The following TMEM132D variants were observed in gnomAD, a reference collection of about 807,000 sequenced individuals.
TMEM132D encodes transmembrane protein 132D.
Under a neutral mutation model 62.3 loss-of-function variants are expected in TMEM132D, and 21 were observed. The observed-to-expected ratio is 0.34, with a 90% confidence interval of 0.24 to 0.49. The LOEUF (loss-of-function observed/expected upper bound fraction) is 0.49, where lower values mean the gene tolerates loss of function less well. Among genes scored for constraint, TMEM132D ranks in the 20% least tolerant of loss-of-function variants. The pLI is 0.99. For missense variants in TMEM132D, 1,346 were observed against 1,402.8 expected (o/e 0.96, Z 0.65); for synonymous variants, 621 against 575.6 (o/e 1.08, Z -1.13).
chr12:129,089,507 A>C lies in TMEM132D; in HGVS notation c.1444-4805T>G, dbSNP rs192367862. Among the ~76,000 whole-genome samples, 12 of 78,748 alleles carry C rather than the reference A, an allele frequency of 1.5e-4. 1 individual carries two copies. Among genetic ancestry groups the C allele is most frequent in the South Asian group, 4.7e-4 (1 of 2,114 alleles). The allele number at this position is 78,748 out of a possible 152,430, so 51.7% of individuals were successfully genotyped here. The stretch of plus-strand genomic sequence containing the variant: ...TGTCCTCCATGACCGGGTGTCCTCT[A>C]TGACCGGGTGTCCTCCATGACCGGG... On this transcript the variant is annotated intron_variant, in intron 5 of 8. Coordinates refer to ENST00000422113, the MANE Select transcript of TMEM132D (RefSeq NM_133448.3).
At position 129,332,426 on chromosome 12, in the gene TMEM132D, C is replaced by T. The variant is rs146241727; in HGVS notation, c.1299+5208G>A. On this transcript the variant is annotated intron_variant, in intron 4 of 8. Coordinates refer to ENST00000422113, the MANE Select transcript of TMEM132D (RefSeq NM_133448.3). ...AGTAGCTTTCGATGCAAGCACCTGGCGGCATCTCATCCCAGAGCTTTCCTG... is the reference window on the plus strand; with the variant it reads ...AGTAGCTTTCGATGCAAGCACCTGGTGGCATCTCATCCCAGAGCTTTCCTG... Among the ~76,000 whole-genome samples, 777 of 152,174 alleles carry T rather than the reference C, an allele frequency of 5.1e-3. 7 individuals carry two copies. The highest frequency in any genetic ancestry group is 0.018 in the African/African-American group (736 of 41,516).
chr12:129,627,052 G>A (rs997414977), intron 2 of TMEM132D, among the ~76,000 whole-genome samples: 8 of 152,198 alleles, frequency 5.3e-5, no homozygotes, highest in Non-Finnish European at 1.5e-5. Context: ...ATTGTGACTA[G>A]TGTGACAGGA....
At chr12:129,800,748 C>T (rs1046625892) in intron 1 of TMEM132D, among the ~76,000 whole-genome samples, 69 of 152,144 alleles carry the variant, frequency 4.5e-4, no homozygotes, top group Non-Finnish European at 1.2e-4. Context: ...CGGTCTACAG[C>T]TCCCAGCGAG....
At chr12:129,662,148 T>C (rs1263962374) in intron 2 of TMEM132D, among the ~76,000 whole-genome samples, 1 of 152,226 alleles carries the variant, frequency 6.6e-6, no homozygotes, top group Non-Finnish European at 1.5e-5. Context: ...GAGCTTTCTT[T>C]TTTCTTTGCA....
chr12:129,102,484 G>GAA (rs1875343328), intron 5 of TMEM132D, among the ~76,000 whole-genome samples: 1 of 149,176 alleles, frequency 6.7e-6, no homozygotes, highest in African/African-American at 2.5e-5. Flanking sequence ...CTCACACAAT[G>GAA]CACACACACA....
intron 2 of TMEM132D, among the ~76,000 whole-genome samples, chr12:129,604,159 C>T (rs993536981): frequency 4.6e-5 from 7 of 151,902 alleles, no homozygotes; most frequent in Non-Finnish European, 1.0e-4. Context: ...CACACCAGGG[C>T]CCGTCGAGGG....
In TMEM132D at chr12:129,424,569, G is replaced by A. The variant is rs142069248; in HGVS notation, c.1116-86752C>T. Among the ~76,000 whole-genome samples the A allele has an allele frequency of 7.9e-3, 1,195 of 151,862 alleles. 16 individuals carry two copies. Among genetic ancestry groups the A allele is most frequent in the African/African-American group, 0.026 (1,084 of 41,448 alleles). The stretch of plus-strand genomic sequence containing the variant: ...AAAAATACAAAAAAATTAGCCGGGC[G>A]TGGTGGTGGGCACCTGTAGTCCCAG... On this transcript the variant is annotated intron_variant, in intron 3 of 8. Coordinates refer to ENST00000422113, the MANE Select transcript of TMEM132D (RefSeq NM_133448.3).
intron 2 of TMEM132D, among the ~76,000 whole-genome samples, chr12:129,661,683 A>G (rs528836728): frequency 6.6e-6 from 1 of 152,350 alleles, no homozygotes; most frequent in Admixed American, 6.5e-5. Context: ...GGTAATATAT[A>G]TCTCCACCTA....
chr12:129,250,839 T>C lies in TMEM132D; in HGVS notation c.1300-41176A>G, dbSNP rs553105371. ...CATGAAGTGGGAGAATGTAGTGAGATACCAAATCATACTATTTCCATGCCC... is the reference window on the plus strand; with the variant it reads ...CATGAAGTGGGAGAATGTAGTGAGACACCAAATCATACTATTTCCATGCCC... On this transcript the variant is annotated intron_variant, in intron 4 of 8. Transcript: ENST00000422113. Among the ~76,000 whole-genome samples the C allele has an allele frequency of 9.2e-5, 14 of 152,324 alleles. No individual in the cohort carries two copies. In the South Asian group the frequency reaches 2.7e-3, roughly 29 times the overall value.
chr12:129,753,980 G>T (rs1408402910), intron 1 of TMEM132D, among the ~76,000 whole-genome samples: 3 of 152,088 alleles, frequency 2.0e-5, no homozygotes, highest in African/African-American at 7.2e-5. Flanking sequence ...TCTAGCATAG[G>T]TGTGAAGAAT....
chr12:129,323,650 C>T (rs36098665), intron 4 of TMEM132D, among the ~76,000 whole-genome samples: 2 of 152,182 alleles, frequency 1.3e-5, no homozygotes, highest in African/African-American at 4.8e-5. Context: ...AGCTTTAAAT[C>T]TTAGCTGAAG....
At chr12:129,828,775 GAA>G (rs1566000215) in intron 1 of TMEM132D, among the ~76,000 whole-genome samples, 1 of 58,216 alleles carries the variant, frequency 1.7e-5, no homozygotes, top group East Asian at 6.5e-4. Flanking sequence ...AGGGAGGGAG[GAA>G]GAAAAGGAGG....
chr12:129,518,660 C>CT (rs1053247807), intron 3 of TMEM132D, among the ~76,000 whole-genome samples: 1 of 151,534 alleles, frequency 6.6e-6, no homozygotes, highest in African/African-American at 2.4e-5. Context: ...TATTTCATGC[C>CT]TTTTTTAACA....
intron 5 of TMEM132D, among the ~76,000 whole-genome samples, chr12:129,106,308 C>T (rs1291222513): frequency 1.3e-5 from 2 of 150,206 alleles, no homozygotes; most frequent in Non-Finnish European, 3.0e-5. Flanking sequence ...GGAGATATAC[C>T]TAATGCTAGA....
intron 4 of TMEM132D, among the ~76,000 whole-genome samples, chr12:129,284,663 A>C (rs1027248571): frequency 1.3e-5 from 2 of 152,272 alleles, no homozygotes; most frequent in African/African-American, 4.8e-5. Flanking sequence ...AAAACAGTCC[A>C]AATGCCCATT....
At chr12:129,288,451 T>C (rs1054904211) in intron 4 of TMEM132D, among the ~76,000 whole-genome samples, 1 of 152,138 alleles carries the variant, frequency 6.6e-6, no homozygotes, top group Non-Finnish European at 1.5e-5. Context: ...AAGACTTAAA[T>C]AGACATTTCT....
chr12:129,215,952 G>T (rs766421057), intron 4 of TMEM132D, among the ~76,000 whole-genome samples: 1 of 152,074 alleles, frequency 6.6e-6, no homozygotes, highest in African/African-American at 2.4e-5. Flanking sequence ...GGGGGAAACC[G>T]CCCGAATGCA....
chr12:129,757,614 A>G (rs1014449020), intron 1 of TMEM132D, among the ~76,000 whole-genome samples: 1 of 152,134 alleles, frequency 6.6e-6, no homozygotes, highest in Non-Finnish European at 1.5e-5. Flanking sequence ...TTTCTTAGAA[A>G]AGGGTGGAAA....
rs186191246 is a variant in TMEM132D, at chr12:129,119,679, A to G, written c.1444-34977T>C. On this transcript the variant is annotated intron_variant, in intron 5 of 8. Coordinates refer to ENST00000422113, the MANE Select transcript of TMEM132D (RefSeq NM_133448.3). ...AAACAAGACTACACAGGGTTAGTGT[A>G]GTTTCTTCATCCAACAAATGTCTGA... is the stretch of plus-strand genomic sequence containing the variant. Among the ~76,000 whole-genome samples the G allele has an allele frequency of 7.4e-3, 1,129 of 152,302 alleles. 16 individuals carry two copies. Among genetic ancestry groups the G allele is most frequent in the African/African-American group, 0.025 (1,047 of 41,564 alleles).
Sources: allele counts gnomAD v4.1 joint callset (sites outside exome capture counted in the v4.1 genomes callset), GRCh38; gene constraint gnomAD v4.1.1; transcripts MANE v1.5; gene names NCBI Gene and HGNC (gene_info 2026-07-23, HGNC 2026-07-21).